PPFIA2: variants seen among roughly 807,000 people sequenced by gnomAD.
The protein encoded by PPFIA2 is PPFI scaffold protein A2, also known as liprin-alpha-2.
In PPFIA2, 46 loss-of-function variants were observed where a neutral mutation model predicts 175.5. That is an observed-to-expected ratio of 0.26 (90% CI 0.21 to 0.34). The LOEUF (loss-of-function observed/expected upper bound fraction) is 0.34. Ranked by LOEUF, PPFIA2 falls within the 10% of genes least tolerant of loss-of-function variation. The pLI, the probability that PPFIA2 is intolerant of heterozygous loss-of-function variation, is 1.00. For synonymous variants in PPFIA2, 568 were observed against 511.4 expected (o/e 1.11, Z -1.49); for missense variants, 1,179 against 1,506.1 (o/e 0.78, Z 3.60).
At chr12:81,274,932 A>G (rs2040132403) in intron 28 of PPFIA2, among the ~76,000 whole-genome samples, 1 of 152,190 alleles carries the variant, frequency 6.6e-6, no homozygotes, top group South Asian at 2.1e-4. Flanking sequence ...ATTGCCAGAT[A>G]CTAATATAAC....
chr12:81,463,169 G>T (rs188350886), intron 4 of PPFIA2, among the ~76,000 whole-genome samples: 1 of 152,156 alleles, frequency 6.6e-6, no homozygotes, highest in Non-Finnish European at 1.5e-5. Context: ...AAACAGGTTA[G>T]ATCTTTGTAC....
At chr12:81,518,130 GC>G (rs1163117618) in intron 4 of PPFIA2, among the ~76,000 whole-genome samples, 3 of 151,994 alleles carry the variant, frequency 2.0e-5, no homozygotes, top group African/African-American at 7.2e-5. Context: ...CACAAAAAAT[GC>G]CCCAGATTTA....
intron 8 of PPFIA2, among the ~76,000 whole-genome samples, chr12:81,402,292 A>C (rs1463941359): frequency 6.6e-6 from 1 of 152,182 alleles, no homozygotes; most frequent in Non-Finnish European, 1.5e-5. Context: ...TAATCTGCCA[A>C]AATAATAATT....
intron 19 of PPFIA2, among the ~76,000 whole-genome samples, chr12:81,344,417 G>A (rs917475759): frequency 6.7e-6 from 1 of 150,156 alleles, no homozygotes; most frequent in Admixed American, 6.7e-5. Context: ...ACCATCCTTG[G>A]TTTAAATATT....
intron 3 of PPFIA2, among the ~76,000 whole-genome samples, chr12:81,687,962 A>G (rs1486495787): frequency 6.6e-6 from 1 of 151,996 alleles, no homozygotes; most frequent in Non-Finnish European, 1.5e-5. Context: ...ACATGTAAAT[A>G]AGACCCAAAT....
chr12:81,333,427 C>T (rs1277539303), intron 21 of PPFIA2, among the ~76,000 whole-genome samples: 1 of 152,114 alleles, frequency 6.6e-6, no homozygotes, highest in Non-Finnish European at 1.5e-5. Context: ...TCTACAGGTG[C>T]CTAATTTTCT....
At chr12:81,626,196 G>A (rs186040086) in intron 4 of PPFIA2, among the ~76,000 whole-genome samples, 1 of 151,504 alleles carries the variant, frequency 6.6e-6, no homozygotes, top group African/African-American at 2.4e-5. Context: ...ACTACGTAGA[G>A]GATTCATACT....
At chr12:81,587,013 A>AT (rs1379312624) in intron 4 of PPFIA2, among the ~76,000 whole-genome samples, 12 of 151,904 alleles carry the variant, frequency 7.9e-5, no homozygotes, top group Admixed American at 1.3e-4. Context: ...TGACCTAAAT[A>AT]TTTTTTTTAT....
chr12:81,686,322 T>C (rs538082883), intron 3 of PPFIA2, among the ~76,000 whole-genome samples: 14 of 152,202 alleles, frequency 9.2e-5, no homozygotes, highest in Non-Finnish European at 4.4e-5. Context: ...GCTATATATT[T>C]CTAATTTCAA....
intron 4 of PPFIA2, among the ~76,000 whole-genome samples, chr12:81,533,715 C>T (rs146896120): frequency 7.4e-6 from 1 of 135,916 alleles, no homozygotes; most frequent in African/African-American, 2.8e-5. Context: ...ATCTATCTAT[C>T]TATCTATCTA....
At chr12:81,642,986 T>C (rs915495029) in intron 4 of PPFIA2, among the ~76,000 whole-genome samples, 13 of 123,672 alleles carry the variant, frequency 1.1e-4, no homozygotes, top group African/African-American at 3.9e-4. Flanking sequence ...ATATATCTCT[T>C]ATGTGTATAT....
chr12:81,414,673 C>T (rs2044615253), intron 7 of PPFIA2, among the ~76,000 whole-genome samples: 1 of 151,550 alleles, frequency 6.6e-6, no homozygotes, highest in Non-Finnish European at 1.5e-5. Flanking sequence ...AGTCTCACTA[C>T]ACCAACACAT....
intron 4 of PPFIA2, among the ~76,000 whole-genome samples, chr12:81,487,829 A>G (rs2058996504): frequency 6.6e-6 from 1 of 151,916 alleles, no homozygotes; most frequent in African/African-American, 2.4e-5. Flanking sequence ...CTATATGGAA[A>G]GAATAATTAA....
At chr12:81,620,918 T>G (rs1479663285) in intron 4 of PPFIA2, among the ~76,000 whole-genome samples, 1 of 152,220 alleles carries the variant, frequency 6.6e-6, no homozygotes, top group Non-Finnish European at 1.5e-5. Context: ...GTTCCAAAAG[T>G]CATGGATTCA....
intron 4 of PPFIA2, chr12:81,597,929 G>T: frequency 1.3e-6 from 2 of 1,532,680 alleles, no homozygotes; most frequent in South Asian, 1.2e-5. Context: ...ACTAAGTAGT[G>T]AAGCCATTTA....
chr12:81,496,594 C>T (rs115044143), intron 4 of PPFIA2, among the ~76,000 whole-genome samples: 1 of 152,018 alleles, frequency 6.6e-6, no homozygotes, highest in African/African-American at 2.4e-5. Flanking sequence ...TGTGGCAAAA[C>T]AATCATAAAT....
At chr12:81,669,681 G>A (rs190503623) in intron 4 of PPFIA2, among the ~76,000 whole-genome samples, 9 of 152,000 alleles carry the variant, frequency 5.9e-5, no homozygotes, top group African/African-American at 1.2e-4. Context: ...AATGACAAGC[G>A]TATTGTCCCT....
chr12:81,328,919 T>TCCTC (rs2055470570), intron 21 of PPFIA2, among the ~76,000 whole-genome samples: 1 of 148,386 alleles, frequency 6.7e-6, no homozygotes, highest in African/African-American at 2.5e-5. Context: ...ACTCAACCCA[T>TCCTC]CCTCCTCCCA....
intron 8 of PPFIA2, among the ~76,000 whole-genome samples, chr12:81,399,378 T>C (rs562441957): frequency 1.4e-5 from 2 of 146,016 alleles, no homozygotes; most frequent in East Asian, 2.0e-4. Flanking sequence ...GACAGCAGAG[T>C]GGATTTCACT....
Sources: allele counts gnomAD v4.1 joint callset (sites outside exome capture counted in the v4.1 genomes callset), GRCh38; gene constraint gnomAD v4.1.1; transcripts MANE v1.5; gene names NCBI Gene and HGNC (gene_info 2026-07-23, HGNC 2026-07-21).